CUBN: variants seen among roughly 807,000 people sequenced by gnomAD.
CUBN encodes 460 kDa receptor.
CUBN carries 282 observed loss-of-function variants against 405.3 expected under a neutral mutation model. That is an observed-to-expected ratio of 0.70 (90% CI 0.63 to 0.77). The LOEUF is 0.77. Ranked by LOEUF, CUBN falls within the 30% of genes least tolerant of loss-of-function variation. CUBN has a pLI of 0.00. For missense variants in CUBN, 4,514 were observed against 4,475.2 expected (o/e 1.01, Z -0.25); for synonymous variants, 1,684 against 1,617.0 (o/e 1.04, Z -0.99).
At chr10:16,834,980 T>C (rs1223612427) in intron 64 of CUBN, 34 bp downstream of exon 64, 1 of 1,589,824 alleles carries the variant, frequency 6.3e-7, no homozygotes, top group Non-Finnish European at 8.6e-7. Flanking sequence ...ATCTTTTAAA[T>C]AATTCATTCA....
At chr10:17,095,662 C>T (rs1836357713) in intron 14 of CUBN, among the ~76,000 whole-genome samples, 1 of 151,908 alleles carries the variant, frequency 6.6e-6, no homozygotes, top group African/African-American at 2.4e-5. Context: ...ACTGGTACAG[C>T]CATATTTAAA....
chr10:17,081,217 T>C (rs1284773174), intron 17 of CUBN, among the ~76,000 whole-genome samples: 3 of 152,188 alleles, frequency 2.0e-5, no homozygotes, highest in Non-Finnish European at 4.4e-5. Flanking sequence ...GGTACCTTAA[T>C]CTTCATTTGA....
chr10:16,849,439 A>C (rs1408416653), intron 60 of CUBN, among the ~76,000 whole-genome samples: 2 of 151,970 alleles, frequency 1.3e-5, no homozygotes, highest in African/African-American at 4.8e-5. Context: ...TGTCCTCTCT[A>C]TTCGTGGAGC....
intron 28 of CUBN, among the ~76,000 whole-genome samples, chr10:16,993,102 A>G (rs929405840): frequency 6.6e-6 from 1 of 152,220 alleles, no homozygotes; most frequent in Admixed American, 6.5e-5. Flanking sequence ...AAAATACATT[A>G]CAGGTAAGCA....
In CUBN at chr10:17,046,111, A is replaced by AT; in HGVS notation, c.3330-18dup. 1 of 1,608,600 alleles carries AT rather than the reference A, an allele frequency of 6.2e-7. No homozygotes were observed. The highest frequency in any genetic ancestry group is 8.5e-7 in the Non-Finnish European group (1 of 1,175,464). ...CCTCCATCTCTGGCAGAATACAGAA[A>AT]TTAAAATTTATTGGGTTACTGACAA... On this transcript the variant is annotated splice_polypyrimidine_tract_variant and intron_variant, in intron 23 of 66. Transcript: ENST00000377833.
chr10:16,934,737 T>C (rs1842453729), intron 39 of CUBN, among the ~76,000 whole-genome samples: 2 of 152,216 alleles, frequency 1.3e-5, no homozygotes, highest in African/African-American at 2.4e-5. Context: ...TGTGTTACTT[T>C]ACAGTGAGCA....
At position 16,937,680 on chromosome 10, in the gene CUBN, G is replaced by T. The variant is rs765984961; in HGVS notation, c.5838C>A (p.Tyr1946Ter). ...CCTTCCCTGAGATTGAAGAGTCGGA[G>T]TAAAAATGAAATGTCAAAGAATTTC... ...STGNSLTFHF[Y>*]SDSSISGKGF... The change falls in exon 39 of 67, where the codon TAC becomes TAA. Residue 1946 changes from tyrosine (Y) to a stop codon, truncating the protein, a stop_gained. Transcript: ENST00000377833. LOFTEE classifies it high-confidence loss of function. The T allele has an allele frequency of 6.2e-7, 1 of 1,614,030 alleles. No homozygotes were observed. The highest frequency in any genetic ancestry group is 1.1e-5 in the South Asian group (1 of 91,082).
intron 48 of CUBN, among the ~76,000 whole-genome samples, chr10:16,909,044 G>T (rs1341307024): frequency 1.3e-5 from 2 of 151,272 alleles, no homozygotes; most frequent in Non-Finnish European, 2.9e-5. Context: ...CACCGCGCCC[G>T]GCTAATTTTT....
chr10:16,984,136 G>C lies in CUBN; in HGVS notation c.4494C>G (p.Gly1498=). 6.2e-7 allele frequency: 1 copy of C among 1,614,102 alleles called. No homozygotes were observed. Among genetic ancestry groups the C allele is most frequent in the East Asian group, 2.2e-5 (1 of 44,874 alleles). Residue 1498 remains glycine, a synonymous_variant, in exon 30 of 67, where the codon GGC becomes GGG. Transcript: ENST00000377833. Reference sequence around the variant, plus strand: ...TGACTGCTTGCCATGACGCATTGAAGCCTCTCCCATTTATGGACAAGTCGG... The same window carrying C: ...TGACTGCTTGCCATGACGCATTGAACCCTCTCCCATTTATGGACAAGTCGG... ...FKTDLSINGR[G]FNASWQAVTG... is the part of the protein sequence containing the mutation.
intron 14 of CUBN, among the ~76,000 whole-genome samples, chr10:17,093,967 G>A (rs1222672814): frequency 6.6e-6 from 1 of 152,046 alleles, no homozygotes; most frequent in African/African-American, 2.4e-5. Flanking sequence ...CTCAGAAGGA[G>A]AAGAAAGAGG....
chr10:17,107,921 A>G (rs1836674693), intron 10 of CUBN, among the ~76,000 whole-genome samples: 1 of 152,164 alleles, frequency 6.6e-6, no homozygotes, highest in Non-Finnish European at 1.5e-5. Flanking sequence ...ATAGTTAATT[A>G]CTTCTTTTAA....
chr10:17,055,192 T>C (rs993658238), intron 22 of CUBN, among the ~76,000 whole-genome samples: 10 of 152,060 alleles, frequency 6.6e-5, no homozygotes, highest in African/African-American at 2.2e-4. Context: ...CTTTGAAAGA[T>C]ACCAAAAGAT....
At chr10:17,099,883 T>C in intron 14 of CUBN, 122 bp downstream of exon 14, 1 of 391,506 alleles carries the variant, frequency 2.6e-6, no homozygotes, top group Non-Finnish European at 4.4e-6. Context: ...TAAAATAAAT[T>C]ATAAAAATAT....
At chr10:17,062,164 C>T (rs1835518246) in intron 22 of CUBN, among the ~76,000 whole-genome samples, 1 of 152,136 alleles carries the variant, frequency 6.6e-6, no homozygotes, top group Non-Finnish European at 1.5e-5. Context: ...TATCCTACTC[C>T]ATACTTTTAG....
chr10:16,918,922 G>A, intron 44 of CUBN, 122 bp from the exon 45 acceptor site: 2 of 939,054 alleles, frequency 2.1e-6, no homozygotes, highest in Non-Finnish European at 3.3e-6. Context: ...AAAAAACTAT[G>A]ATAGAATCAG....
In CUBN at chr10:17,103,129, C is replaced by T; in HGVS notation, c.1526G>A (p.Gly509Glu). ...NCFWVIKTEM[G>E]KVLRITFTFF... ...GGCAAGAGTTACTACATTTACCTTT[C>T]CCATTTCAGTTTTGATAACCCAGAA... Residue 509 changes from glycine (G) to glutamate (E), a missense_variant, in exon 13 of 67, where the codon GGA becomes GAA. Transcript: ENST00000377833. 1.3e-6 allele frequency: 2 copies of T among 1,596,348 alleles called. No individual in the cohort carries two copies.
At chr10:16,999,125 T>G (rs1028605050) in intron 28 of CUBN, among the ~76,000 whole-genome samples, 1 of 152,232 alleles carries the variant, frequency 6.6e-6, no homozygotes, top group Non-Finnish European at 1.5e-5. Context: ...AAATCAATGC[T>G]GTGGACCGCT....
Position 17,056,910 on chromosome 10 carries a change from G to A in CUBN, c.3139+8598C>T, listed in dbSNP as rs373280663. 1.6e-4 allele frequency among the ~76,000 whole-genome samples: 24 copies of A among 152,124 alleles called. 1 individual carries two copies. The Middle Eastern group carries it at 0.02, about 129-fold the overall frequency. ...TGGTTTTAATGAACACCTCACAAAA[G>A]AAAATAAATGAATTGTCAAAAAGCA... is the stretch of plus-strand genomic sequence containing the variant. On this transcript the variant is annotated intron_variant, in intron 22 of 66. Transcript: ENST00000377833.
intron 59 of CUBN, among the ~76,000 whole-genome samples, chr10:16,853,616 A>G (rs974181573): frequency 2.0e-5 from 3 of 152,226 alleles, no homozygotes; most frequent in African/African-American, 7.2e-5. Flanking sequence ...GACATTTCCC[A>G]AAGTTGAAAT....
Sources: gnomAD v4.1 joint callset for allele counts (sites outside exome capture counted in the v4.1 genomes callset) on GRCh38, gnomAD v4.1.1 for gene constraint, MANE v1.5 for transcripts, NCBI Gene and HGNC (gene_info 2026-07-23, HGNC 2026-07-21) for gene names.